Variants in ACVR1 observed in about 807,000 individuals in gnomAD.
ACVR1 encodes the protein activin receptor type-1.
ACVR1 carries 38 observed loss-of-function variants against 57.1 expected under a neutral mutation model. The observed-to-expected ratio is 0.67, with a 90% CI of 0.51 to 0.87. The LOEUF (loss-of-function observed/expected upper bound fraction) is 0.87. ACVR1 is among the 40% of genes least tolerant of loss of function. ACVR1 has a pLI of 0.00. For synonymous variants in ACVR1, 212 were observed against 228.1 expected (o/e 0.93, Z 0.63); for missense variants, 463 against 638.2 (o/e 0.73, Z 2.96).
At chr2:157,796,919 A>G (rs1687144673) in intron 3 of ACVR1, among the ~76,000 whole-genome samples, 1 of 152,210 alleles carries the variant, frequency 6.6e-6, no homozygotes, top group African/African-American at 2.4e-5. Flanking sequence ...CACAACTGCC[A>G]TATTATGGGA....
intron 3 of ACVR1, chr2:157,790,122 A>T (rs1434958779): frequency 1.3e-5 from 2 of 152,174 alleles, no homozygotes. Flanking sequence ...AAATCTGCTC[A>T]GCACCTCACC....
chr2:157,794,918 T>C (rs1687046955), intron 3 of ACVR1, among the ~76,000 whole-genome samples: 2 of 151,956 alleles, frequency 1.3e-5, no homozygotes, highest in South Asian at 4.1e-4. Flanking sequence ...AGAACTAATA[T>C]TTGAAATGTT....
At chr2:157,833,231 A>G (rs1364070159) in intron 1 of ACVR1, among the ~76,000 whole-genome samples, 1 of 152,190 alleles carries the variant, frequency 6.6e-6, no homozygotes, top group Non-Finnish European at 1.5e-5. Context: ...AACTGTCTCC[A>G]TACTGCACAG....
At chr2:157,793,618 C>T (rs1410661795) in intron 3 of ACVR1, among the ~76,000 whole-genome samples, 1 of 152,118 alleles carries the variant, frequency 6.6e-6, no homozygotes. Context: ...AAACATCTTC[C>T]GTTTGATGAT....
At chr2:157,791,044 C>T (rs1316708611) in intron 3 of ACVR1, among the ~76,000 whole-genome samples, 1 of 152,216 alleles carries the variant, frequency 6.6e-6, no homozygotes, top group African/African-American at 2.4e-5. Flanking sequence ...CCCTCCTCGG[C>T]TGGTCTAATG....
chr2:157,816,958 G>A (rs1428836325), intron 2 of ACVR1, among the ~76,000 whole-genome samples: 4 of 151,744 alleles, frequency 2.6e-5, no homozygotes, highest in African/African-American at 7.3e-5. Context: ...CCTGGATAGC[G>A]AGACATTTTT....
intron 1 of ACVR1, among the ~76,000 whole-genome samples, chr2:157,872,383 C>A (rs1326530991): frequency 6.6e-6 from 1 of 152,164 alleles, no homozygotes; most frequent in Non-Finnish European, 1.5e-5. Flanking sequence ...GGTGTCTTAA[C>A]ACTTCATGAC....
chr2:157,795,377 AACACACACACACACACACACACACAC>A (rs4029027), intron 3 of ACVR1, among the ~76,000 whole-genome samples: 4 of 134,118 alleles, frequency 3.0e-5, no homozygotes, highest in Non-Finnish European at 3.2e-5. Flanking sequence ...CCTTCCATAG[AACACACACACACACACACACACACAC>A]ACACACACAC....
At position 157,765,933 on chromosome 2, in the gene ACVR1, T is replaced by C. The variant is rs1325945796; in HGVS notation, c.1054A>G (p.Ile352Val). The C allele has an allele frequency of 7.4e-6, 12 of 1,614,006 alleles. No homozygotes were observed. The highest frequency in any genetic ancestry group is 1.7e-5 in the Admixed American group (1 of 60,008). The change falls in exon 8 of 11, where the codon ATA (isoleucine) becomes GTA (valine). Residue 352 changes from isoleucine to valine, a missense_variant. Transcript: ENST00000434821. The stretch of plus-strand genomic sequence containing the variant: ...TTTAGAAATTTACCCAAATCTGCTA[T>C]GCAACACTGTCCATTCTTCTTAACC... ...ILVKKNGQCC[I>V]ADLGLAVMHS...
chr2:157,785,456 C>T (rs1686679801), intron 3 of ACVR1, among the ~76,000 whole-genome samples: 2 of 152,130 alleles, frequency 1.3e-5, no homozygotes, highest in African/African-American at 2.4e-5. Flanking sequence ...TAAACAAAGG[C>T]TTTAAGAAGG....
At chr2:157,851,001 A>G (rs750571786) in intron 1 of ACVR1, among the ~76,000 whole-genome samples, 7 of 152,198 alleles carry the variant, frequency 4.6e-5, no homozygotes, top group Non-Finnish European at 1.0e-4. Context: ...TGTTAACTTA[A>G]CAGATCCATC....
intron 3 of ACVR1, among the ~76,000 whole-genome samples, chr2:157,788,743 TA>T (rs1195097449): frequency 1.3e-5 from 2 of 152,108 alleles, no homozygotes; most frequent in African/African-American, 4.8e-5. Flanking sequence ...CATGGATAAA[TA>T]GGGGGTTACT....
intron 3 of ACVR1, among the ~76,000 whole-genome samples, chr2:157,793,586 A>C (rs988428039): frequency 6.6e-6 from 1 of 152,220 alleles, no homozygotes; most frequent in Non-Finnish European, 1.5e-5. Flanking sequence ...CAAATGCCTT[A>C]GTATGTCATC....
At chr2:157,748,837 GT>G (rs1364199587) in intron 9 of ACVR1, among the ~76,000 whole-genome samples, 1 of 152,058 alleles carries the variant, frequency 6.6e-6, no homozygotes, top group Admixed American at 6.5e-5. Context: ...CTCACAGAAA[GT>G]CCTCATCTCT....
intron 3 of ACVR1, among the ~76,000 whole-genome samples, chr2:157,793,154 C>T (rs974175739): frequency 3.3e-5 from 5 of 152,204 alleles, no homozygotes; most frequent in African/African-American, 9.7e-5. Context: ...TTCATCCTCT[C>T]ACTCTGGAGA....
intron 1 of ACVR1, among the ~76,000 whole-genome samples, chr2:157,868,036 C>A (rs1023240271): frequency 3.9e-5 from 6 of 152,132 alleles, no homozygotes; most frequent in African/African-American, 1.2e-4. Context: ...TAAGCTTGCT[C>A]CTATGGTGCT....
intron 1 of ACVR1, among the ~76,000 whole-genome samples, chr2:157,873,407 C>A (rs967700539): frequency 6.6e-6 from 1 of 152,220 alleles, no homozygotes; most frequent in African/African-American, 2.4e-5. Flanking sequence ...CTAAACTATC[C>A]TGTCATTAAA....
chr2:157,830,243 T>C (rs950595064), intron 1 of ACVR1, among the ~76,000 whole-genome samples: 1 of 151,994 alleles, frequency 6.6e-6, no homozygotes. Context: ...TAAAAGGCCC[T>C]TCATAAATGT....
intron 3 of ACVR1, among the ~76,000 whole-genome samples, chr2:157,789,787 T>C (rs1425590635): frequency 1.3e-5 from 2 of 152,186 alleles, no homozygotes; most frequent in Admixed American, 6.5e-5. Flanking sequence ...TGACTAACAA[T>C]CACTAGGGAT....
Sources: allele counts gnomAD v4.1 joint callset (sites outside exome capture counted in the v4.1 genomes callset), GRCh38; gene constraint gnomAD v4.1.1; transcripts MANE v1.5; gene names NCBI Gene and HGNC (gene_info 2026-07-23, HGNC 2026-07-21).